The following PTPDC1 variants were observed in gnomAD, a reference collection of about 807,000 sequenced individuals.
The protein encoded by PTPDC1 is protein tyrosine phosphatase domain-containing protein 1.
In PTPDC1, 53 loss-of-function variants were observed where a neutral mutation model predicts 75.3. The observed-to-expected ratio is 0.70, with a 90% confidence interval of 0.56 to 0.88. PTPDC1 has a LOEUF of 0.88. Ranked by LOEUF, PTPDC1 falls within the 40% of genes least tolerant of loss-of-function variation. The pLI, the probability that PTPDC1 is intolerant of heterozygous loss-of-function variation, is 0.00. For synonymous variants in PTPDC1, 349 were observed against 366.2 expected, an observed-to-expected ratio of 0.95 and a Z score of 0.54; for missense variants, 925 against 998.6, an observed-to-expected ratio of 0.93 and a Z score of 0.99.
intron 1 of PTPDC1, among the ~76,000 whole-genome samples, chr9:94,040,857 C>T (rs1825408623): frequency 6.6e-6 from 1 of 152,172 alleles, no homozygotes; most frequent in South Asian, 2.1e-4. Flanking sequence ...TGCTGACCAT[C>T]CTGACTTGGG....
rs529155564 is a variant in PTPDC1 at position 94,103,500 on chromosome 9, C to T, written c.2200-775C>T. On this transcript the variant is annotated intron_variant, in intron 7 of 8. Coordinates refer to ENST00000620992, the MANE Select transcript of PTPDC1 (RefSeq NM_001253829.2). Reference sequence around the variant, plus strand: ...TGCCTGTTTTATCCTAATTCACCCTCGGGCAATTCACCTAGGGCATTTATA... The same window carrying T: ...TGCCTGTTTTATCCTAATTCACCCTTGGGCAATTCACCTAGGGCATTTATA... Among the ~76,000 whole-genome samples, 11 of 152,310 alleles carry T rather than the reference C, an allele frequency of 7.2e-5. No homozygotes were observed. The South Asian group carries it at 1.7e-3, about 23-fold the overall frequency.
Position 94,104,273 on chromosome 9 carries a change from A to G in PTPDC1, c.2200-2A>G. On this transcript the variant is annotated splice_acceptor_variant, in intron 7 of 8. Transcript: ENST00000620992. LOFTEE classifies it high-confidence loss of function. ...TTTAAATTTTGATTTCTACAAAAAC[A>G]GGGACAGCACCAGACTATTCTCTGC... The G allele has an allele frequency of 1.3e-6, 2 of 1,595,344 alleles. No individual in the cohort carries two copies. The highest frequency in any genetic ancestry group is 1.7e-6 in the Non-Finnish European group (2 of 1,166,488).
At chr9:94,035,707 C>T (rs1252106076) in intron 1 of PTPDC1, among the ~76,000 whole-genome samples, 1 of 152,098 alleles carries the variant, frequency 6.6e-6, no homozygotes, top group Non-Finnish European at 1.5e-5. Context: ...GTGGGACTGC[C>T]GAATAGAGTG....
At chr9:94,093,775 G>A (rs1288837052) in intron 4 of PTPDC1, among the ~76,000 whole-genome samples, 5 of 144,788 alleles carry the variant, frequency 3.5e-5, no homozygotes, top group Non-Finnish European at 7.5e-5. Context: ...TGGAGGCTTT[G>A]CTCATTTCTT....
intron 1 of PTPDC1, among the ~76,000 whole-genome samples, chr9:94,035,373 T>C (rs1010455492): frequency 3.9e-5 from 6 of 152,354 alleles, no homozygotes; most frequent in Middle Eastern, 3.4e-3. Flanking sequence ...GTTCTCTGCT[T>C]CTATGAGTTC....
intron 8 of PTPDC1, among the ~76,000 whole-genome samples, chr9:94,107,552 C>T (rs993979953): frequency 2.6e-5 from 4 of 152,204 alleles, no homozygotes; most frequent in African/African-American, 9.7e-5. Flanking sequence ...TCACTTCACA[C>T]CCACTGTTGA....
intron 1 of PTPDC1, among the ~76,000 whole-genome samples, chr9:94,057,118 G>T (rs921730590): frequency 1.3e-5 from 2 of 152,046 alleles, no homozygotes; most frequent in South Asian, 2.1e-4. Flanking sequence ...TGTTTTTGAG[G>T]CTAGAGTGCA....
intron 1 of PTPDC1, among the ~76,000 whole-genome samples, chr9:94,044,305 T>G (rs986173604): frequency 6.6e-6 from 1 of 152,230 alleles, no homozygotes; most frequent in Non-Finnish European, 1.5e-5. Flanking sequence ...CTTCATTTAT[T>G]TAGATTTACT....
chr9:94,076,434 A>G (rs908161838), intron 2 of PTPDC1, among the ~76,000 whole-genome samples: 5 of 152,210 alleles, frequency 3.3e-5, no homozygotes, highest in African/African-American at 1.2e-4. Flanking sequence ...ATGGAACCAT[A>G]TAAATATGTG....
intron 2 of PTPDC1, among the ~76,000 whole-genome samples, chr9:94,071,567 G>C (rs1826512582): frequency 6.6e-6 from 1 of 152,120 alleles, no homozygotes; most frequent in Non-Finnish European, 1.5e-5. Context: ...ATCTATCCCA[G>C]TGCCCTGAAG....
At chr9:94,033,791 G>A (rs1829772115) in intron 1 of PTPDC1, among the ~76,000 whole-genome samples, 1 of 152,208 alleles carries the variant, frequency 6.6e-6, no homozygotes, top group East Asian at 1.9e-4. Flanking sequence ...GCACTTAACT[G>A]TATGTGAGAC....
intron 1 of PTPDC1, among the ~76,000 whole-genome samples, chr9:94,059,061 A>G (rs1826046845): frequency 6.6e-6 from 1 of 152,180 alleles, no homozygotes; most frequent in Non-Finnish European, 1.5e-5. Context: ...AAAACAAAAT[A>G]TGCCTTTATT....
In PTPDC1 at chr9:94,107,972, C is replaced by G. The variant is rs764156324; in HGVS notation, c.*28C>G. The G allele has an allele frequency of 2.9e-6, 4 of 1,358,080 alleles. No homozygotes were observed. The highest frequency in any genetic ancestry group is 1.5e-5 in the African/African-American group (1 of 68,360). The allele number at this position is 1,358,080 out of a possible 1,614,324, so 84.1% of individuals were successfully genotyped here. On this transcript the variant is annotated 3_prime_UTR_variant, in exon 9 of 9. Transcript: ENST00000620992. The stretch of plus-strand genomic sequence containing the variant: ...TTCACTCGTGGTGAATATTTCAGAC[C>G]TAAAGATCCAGATAGTATCTCTGTT...
At chr9:94,065,165 C>T (rs1474562848) in intron 2 of PTPDC1, among the ~76,000 whole-genome samples, 1 of 152,232 alleles carries the variant, frequency 6.6e-6, no homozygotes. Context: ...TTAGCACATC[C>T]AGAAGCACTC....
chr9:94,032,169 T>A (rs769832203), intron 1 of PTPDC1, among the ~76,000 whole-genome samples: 7 of 152,154 alleles, frequency 4.6e-5, no homozygotes, highest in Non-Finnish European at 7.4e-5. Flanking sequence ...CACCCACTCA[T>A]CCTGTTGGCT....
chr9:94,036,031 T>G (rs897917824), intron 1 of PTPDC1, among the ~76,000 whole-genome samples: 44 of 145,168 alleles, frequency 3.0e-4, no homozygotes, highest in Non-Finnish European at 2.6e-4. Context: ...TTGTTTTTTT[T>G]TTTGTTTTTT....
intron 1 of PTPDC1, among the ~76,000 whole-genome samples, chr9:94,047,716 T>TA (rs1332951445): frequency 3.3e-5 from 5 of 151,890 alleles, no homozygotes; most frequent in Non-Finnish European, 5.9e-5. Flanking sequence ...ATAGACGCAA[T>TA]AAAAAATGAT....
intron 2 of PTPDC1, among the ~76,000 whole-genome samples, chr9:94,072,795 T>C (rs182779581): frequency 2.0e-4 from 31 of 152,340 alleles, no homozygotes; most frequent in Non-Finnish European, 3.2e-4. Context: ...TGATTTTTCT[T>C]CTTTAGCCTG....
upstream of PTPDC1, among the ~76,000 whole-genome samples, chr9:94,083,865 G>A (rs1044849155): frequency 6.6e-6 from 1 of 152,168 alleles, no homozygotes; most frequent in African/African-American, 2.4e-5. Flanking sequence ...TTCTGAAAAT[G>A]AACACATGAA....
Sources: allele counts gnomAD v4.1 joint callset (sites outside exome capture counted in the v4.1 genomes callset), GRCh38; gene constraint gnomAD v4.1.1; transcripts MANE v1.5; gene names NCBI Gene and HGNC (gene_info 2026-07-23, HGNC 2026-07-21).